DDX27: variants seen among roughly 807,000 people sequenced by gnomAD.
DDX27 encodes DEAD-box helicase 27.
A neutral mutation model predicts 99.3 loss-of-function variants in DDX27; 42 were observed. That is an observed-to-expected ratio of 0.42 (90% CI 0.33 to 0.55). The LOEUF is 0.55. DDX27 is among the 20% of genes least tolerant of loss of function. DDX27 has a pLI of 0.07. For synonymous variants in DDX27, 329 were observed against 353.8 expected (o/e 0.93, Z 0.79); for missense variants, 798 against 976.8 (o/e 0.82, Z 2.44).
chr20:49,230,495 C>T, intron 9 of DDX27, 146 bp downstream of exon 9: 1 of 890,470 alleles, frequency 1.1e-6, no homozygotes, highest in Non-Finnish European at 1.6e-6. Context: ...GTGCTGGGGC[C>T]TCTGCCCAGC....
rs767327712 is a variant in DDX27 at position 49,239,062 on chromosome 20, C to T, written c.1794+7C>T. 1.2e-6 allele frequency: 2 copies of T among 1,610,300 alleles called. No individual in the cohort carries two copies. The highest frequency in any genetic ancestry group is 1.7e-6 in the Non-Finnish European group (2 of 1,176,536). On this transcript the variant is annotated splice_region_variant and intron_variant, in intron 15 of 20. Transcript: ENST00000618172. The stretch of plus-strand genomic sequence containing the variant: ...GCAGCAGTCAGAAGCCCAGGTGAGG[C>T]TGCGAGGCGGGATCTTGTTCACAAG...
chr20:49,221,454 G>T lies in DDX27; in HGVS notation c.96G>T (p.Gly32=). The change falls in exon 2 of 21, where the codon GGG becomes GGT. Residue 32 remains glycine, a splice_region_variant and synonymous_variant. Coordinates refer to ENST00000618172, the MANE Select transcript of DDX27 (RefSeq NM_017895.8). ...ACTCTGTCTCTTACTCTTCCCAGGG[G>T]CCCATTGTGCTGGGCAGACGACAAA... The part of the protein sequence containing the change: ...ESDSGDEEEE[G]PIVLGRRQKA... The T allele has an allele frequency of 6.2e-7, 1 of 1,613,084 alleles. No individual in the cohort carries two copies. Among genetic ancestry groups the T allele is most frequent in the Non-Finnish European group, 8.5e-7 (1 of 1,179,912 alleles).
chr20:49,230,410 T>C, intron 9 of DDX27, 61 bp downstream of exon 9: 1 of 1,540,370 alleles, frequency 6.5e-7, no homozygotes, highest in Non-Finnish European at 8.7e-7. Flanking sequence ...AACCTGGATG[T>C]GGACCTGCCA....
At chr20:49,219,682 C>G (rs940547258) in intron 1 of DDX27, 141 bp downstream of exon 1, 86 of 878,668 alleles carry the variant, frequency 9.8e-5, no homozygotes, top group Non-Finnish European at 1.3e-4. Flanking sequence ...ACCCCAAGAT[C>G]TTCCTCAGTT....
At position 49,243,938 on chromosome 20, in the gene DDX27, C is replaced by A. The variant is rs1358074885; in HGVS notation, c.*104C>A. 1.8e-5 allele frequency: 25 copies of A among 1,366,262 alleles called. No individual in the cohort carries two copies. Among genetic ancestry groups the A allele is most frequent in the Admixed American group, 9.0e-5 (4 of 44,202 alleles). The allele number at this position is 1,366,262 out of a possible 1,614,324, so 84.6% of individuals were successfully genotyped here. ...TTTCTCCATTTGTTTAAAAAAAAAA[C>A]AAAAACAAAAAACAACACTTTGGTG... is the stretch of plus-strand genomic sequence containing the variant. On this transcript the variant is annotated 3_prime_UTR_variant, in exon 21 of 21. Coordinates refer to ENST00000618172, the MANE Select transcript of DDX27 (RefSeq NM_017895.8).
chr20:49,222,688 AT>A, intron 2 of DDX27, among the ~76,000 whole-genome samples: 1 of 151,710 alleles, frequency 6.6e-6, no homozygotes, highest in East Asian at 1.9e-4. Context: ...CTAATTTTGT[AT>A]TTTTTTAGTA....
At chr20:49,242,059 C>T in intron 17 of DDX27, 24 bp from the exon 18 acceptor site, 2 of 1,614,162 alleles carry the variant, frequency 1.2e-6, no homozygotes, top group Non-Finnish European at 1.7e-6. Flanking sequence ...GTGTTCCACA[C>T]TCACACCTCC....
In DDX27 at chr20:49,233,360, C is replaced by G; in HGVS notation, c.1086C>G (p.Ser362=). The change falls in exon 10 of 21, where the codon TCC becomes TCG. Residue 362 remains serine (S), a synonymous_variant. Transcript: ENST00000618172. ...EQMKEIIRMC[S]HHRQTMLFSA... ...TGAAGGAGATCATCCGAATGTGTTC[C>G]CACCACCGCCAGACCATGCTCTTCT... is the stretch of plus-strand genomic sequence containing the variant. 6.2e-7 allele frequency: 1 copy of G among 1,614,048 alleles called. No individual in the cohort carries two copies. Among genetic ancestry groups the G allele is most frequent in the Non-Finnish European group, 8.5e-7 (1 of 1,180,014 alleles).
intron 16 of DDX27, among the ~76,000 whole-genome samples, chr20:49,241,013 T>C (rs748431068): frequency 1.3e-5 from 2 of 152,080 alleles, no homozygotes; most frequent in Non-Finnish European, 1.5e-5. Flanking sequence ...AGACCCCGAC[T>C]CAAACCACCA....
chr20:49,221,289 C>T (rs1384087012), intron 1 of DDX27, among the ~76,000 whole-genome samples, 163 bp from the exon 2 acceptor site: 1 of 152,192 alleles, frequency 6.6e-6, no homozygotes, highest in Non-Finnish European at 1.5e-5. Flanking sequence ...GACTGCGTTT[C>T]ATCATGTTGG....
intron 9 of DDX27, among the ~76,000 whole-genome samples, chr20:49,231,740 G>A (rs1400875165): frequency 1.3e-5 from 2 of 152,184 alleles, no homozygotes; most frequent in African/African-American, 4.8e-5. Context: ...GAACAAACCG[G>A]CCGTCAGTAT....
rs142292900 is a variant in DDX27, at chr20:49,243,927, T to TA, written c.*103dup. The TA allele has an allele frequency of 0.011, 14,102 of 1,263,092 alleles. No individual in the cohort carries two copies. The highest frequency in any genetic ancestry group is 0.014 in the South Asian group (911 of 65,864). 78.2% of individuals were successfully genotyped at this position (1,263,092 alleles called of 1,614,324 possible). ...CTGGTCTGTCTTTTCTCCATTTGTT[T>TA]AAAAAAAAAACAAAAACAAAAAACA... On this transcript the variant is annotated 3_prime_UTR_variant, in exon 21 of 21. Coordinates refer to ENST00000618172, the MANE Select transcript of DDX27 (RefSeq NM_017895.8).
chr20:49,236,243 C>CG lies in DDX27; in HGVS notation c.1509+12_1509+13insG. 1 of 1,597,950 alleles carries CG rather than the reference C, an allele frequency of 6.3e-7. No homozygotes were observed. Among genetic ancestry groups the CG allele is most frequent in the Non-Finnish European group, 8.5e-7 (1 of 1,171,892 alleles). The stretch of plus-strand genomic sequence containing the variant: ...AGGGGGTCAAAACGGTGAGCAGACA[C>CG]TATCTTCCTTGGACTTTTGGTGGAA... On this transcript the variant is annotated intron_variant, in intron 13 of 20. Coordinates refer to ENST00000618172, the MANE Select transcript of DDX27 (RefSeq NM_017895.8). The surrounding 1 kb of genome is among the most constrained non-coding windows in gnomAD (Gnocchi z 4.1).
rs778007969 is a variant in DDX27 at position 49,228,871 on chromosome 20, C to T, written c.863C>T (p.Thr288Ile). Residue 288 changes from threonine to isoleucine, a missense_variant, in exon 8 of 21, where the codon ACC becomes ATC. Around this residue, in one of 2 missense-constraint regions of DDX27, gnomAD observed 553 missense variants for 727.9 expected, o/e 0.76. Coordinates refer to ENST00000618172, the MANE Select transcript of DDX27 (RefSeq NM_017895.8). ...CAGCTGGCCCAGTTCTGCAACATCA[C>T]CACCTGCCTGGCTGTGGGTGAGTTT... ...TRQLAQFCNI[T>I]TCLAVGGLDV... is the part of the protein sequence containing the mutation. 1.3e-6 allele frequency: 2 copies of T among 1,597,710 alleles called. No individual in the cohort carries two copies. The highest frequency in any genetic ancestry group is 2.3e-5 in the East Asian group (1 of 44,162).
rs777164747 is a variant in DDX27 at position 49,239,070 on chromosome 20, C to T, written c.1794+15C>T. 1.9e-5 allele frequency: 30 copies of T among 1,605,040 alleles called. No individual in the cohort carries two copies. Among genetic ancestry groups the T allele is most frequent in the East Asian group, 6.7e-5 (3 of 44,824 alleles). On this transcript the variant is annotated intron_variant, in intron 15 of 20. Transcript: ENST00000618172. ...CAGAAGCCCAGGTGAGGCTGCGAGG[C>T]GGGATCTTGTTCACAAGGCTGCTCA...
intron 6 of DDX27, 113 bp from the exon 7 acceptor site, chr20:49,226,317 G>A (rs910760213): frequency 8.9e-6 from 6 of 673,854 alleles, no homozygotes; most frequent in Non-Finnish European, 1.5e-5. Flanking sequence ...TTTGTGGAAC[G>A]AATGATTGGT....
At chr20:49,227,097 C>A (rs183556861) in intron 7 of DDX27, among the ~76,000 whole-genome samples, 2 of 148,584 alleles carry the variant, frequency 1.3e-5, no homozygotes, top group South Asian at 4.3e-4. Flanking sequence ...CTCCTGACCT[C>A]GTGATCCGCC....
At chr20:49,223,673 G>A (rs996675062) in intron 4 of DDX27, among the ~76,000 whole-genome samples, 3 of 151,704 alleles carry the variant, frequency 2.0e-5, no homozygotes, top group Non-Finnish European at 4.4e-5. Context: ...TTGAAGCCAG[G>A]AGTTTGAGAC....
intron 8 of DDX27, 128 bp downstream of exon 8, chr20:49,229,016 T>TAA (rs1980002387): frequency 1.4e-6 from 1 of 699,828 alleles, no homozygotes. Context: ...TGAATCCACT[T>TAA]AAAAACTGGA....
Sources: allele counts gnomAD v4.1 joint callset (sites outside exome capture counted in the v4.1 genomes callset), GRCh38; gene constraint gnomAD v4.1.1; regional missense constraint gnomAD v4.1.1; non-coding constraint Gnocchi (gnomAD v3.1); transcripts MANE v1.5; gene names NCBI Gene and HGNC (gene_info 2026-07-23, HGNC 2026-07-21).